The following VPS35L variants were observed in gnomAD, a reference collection of about 807,000 sequenced individuals.
The protein encoded by VPS35L is VPS35 endosomal protein-sorting factor-like.
Under a neutral mutation model 133.0 loss-of-function variants are expected in VPS35L, and 83 were observed. The ratio of observed to expected loss-of-function variants is 0.62; its 90% confidence interval spans 0.52 to 0.75. The LOEUF (loss-of-function observed/expected upper bound fraction) is 0.75. VPS35L is among the 30% of genes least tolerant of loss of function. The pLI is 0.00. For synonymous variants in VPS35L, 423 were observed against 449.9 expected (o/e 0.94, Z 0.76); for missense variants, 1,083 against 1,206.8 (o/e 0.90, Z 1.52).
At chr16:19,574,108 G>C (rs1247998347) in intron 4 of VPS35L, among the ~76,000 whole-genome samples, 1 of 152,158 alleles carries the variant, frequency 6.6e-6, no homozygotes, top group Non-Finnish European at 1.5e-5. Context: ...GGGTTCAGTT[G>C]CTTAGAACTA....
At chr16:19,654,546 GAA>G (rs971730427) in intron 26 of VPS35L, among the ~76,000 whole-genome samples, 2 of 122,312 alleles carry the variant, frequency 1.6e-5, no homozygotes. Context: ...AGACTGTCTT[GAA>G]AAAAAAAAAA....
At chr16:19,649,939 T>G (rs1974072522) in intron 24 of VPS35L, among the ~76,000 whole-genome samples, 1 of 152,226 alleles carries the variant, frequency 6.6e-6, no homozygotes, top group Admixed American at 6.5e-5. Context: ...AGTGATGATG[T>G]GGCTACTATC....
chr16:19,644,905 G>A lies in VPS35L; in HGVS notation c.1885G>A (p.Glu629Lys), dbSNP rs200092938. The A allele has an allele frequency of 1.2e-5, 19 of 1,601,180 alleles. No homozygotes were observed. The highest frequency in any genetic ancestry group is 4.0e-5 in the African/African-American group (3 of 74,666). The change falls in exon 23 of 31, where the codon GAG becomes AAG. Residue 629 changes from glutamate (E) to lysine (K), a missense_variant. By Grantham distance (56) the Glu-to-Lys change is moderately conservative. Transcript: ENST00000417362. ...TTTTAGTGCACTCACTCTTGAGGAT[G>A]AGAAAAGAATGCTGTCATATTTGAT... ...DSVNALTLED[E>K]KRMLSYLING...
At chr16:19,640,269 G>A (rs1183890794) in intron 21 of VPS35L, among the ~76,000 whole-genome samples, 169 bp downstream of exon 21, 1 of 152,028 alleles carries the variant, frequency 6.6e-6, no homozygotes, top group East Asian at 1.9e-4. Context: ...ATAAAAGTTT[G>A]TAATTCGTGT....
Position 19,696,086 on chromosome 16 carries a change from C to G in VPS35L, c.2647-3416C>G, listed in dbSNP as rs188467295. ...TATTTCTAGTAGAGACGGGGTTTCA[C>G]TGTTAGCCAGGATGGTCTCGATCTC... On this transcript the variant is annotated intron_variant, in intron 29 of 30. Coordinates refer to ENST00000417362, the MANE Select transcript of VPS35L (RefSeq NM_020314.7). Among the ~76,000 whole-genome samples the G allele has an allele frequency of 2.1e-3, 309 of 150,068 alleles. 3 individuals are homozygous for G. Among genetic ancestry groups the G allele is most frequent in the African/African-American group, 7.3e-3 (300 of 41,014 alleles).
At chr16:19,590,151 C>A (rs1428518160) in intron 7 of VPS35L, among the ~76,000 whole-genome samples, 6 of 110,540 alleles carry the variant, frequency 5.4e-5, no homozygotes, top group Non-Finnish European at 3.9e-5. Flanking sequence ...CCCCCCCCCC[C>A]CCCCCACAAA....
chr16:19,696,540 G>C (rs1975918610), intron 29 of VPS35L, among the ~76,000 whole-genome samples: 1 of 152,144 alleles, frequency 6.6e-6, no homozygotes, highest in Admixed American at 6.5e-5. Flanking sequence ...GAGCTTCCTG[G>C]AAATGACAGT....
At chr16:19,674,776 A>G (rs920477774) in intron 27 of VPS35L, among the ~76,000 whole-genome samples, 3 of 151,754 alleles carry the variant, frequency 2.0e-5, no homozygotes, top group African/African-American at 7.3e-5. Flanking sequence ...AATCTATTTT[A>G]GATACTTTCT....
chr16:19,589,928 G>A (rs1452061118), intron 7 of VPS35L, among the ~76,000 whole-genome samples: 1 of 152,108 alleles, frequency 6.6e-6, no homozygotes, highest in African/African-American at 2.4e-5. Flanking sequence ...CCTAGGAACC[G>A]AGAACTGTGT....
At chr16:19,616,248 C>G in intron 13 of VPS35L, 57 bp downstream of exon 13, 2 of 1,474,768 alleles carry the variant, frequency 1.4e-6, no homozygotes, top group Non-Finnish European at 9.4e-7. Context: ...ATAGCAAATT[C>G]ACAAAACCCA....
At chr16:19,670,685 C>T (rs1003784786) in intron 27 of VPS35L, among the ~76,000 whole-genome samples, 9 of 152,114 alleles carry the variant, frequency 5.9e-5, no homozygotes, top group African/African-American at 2.2e-4. Context: ...TACAGCCAGG[C>T]TTGAGTTGGA....
At chr16:19,634,826 G>T (rs757061853) in intron 19 of VPS35L, among the ~76,000 whole-genome samples, 9 of 152,088 alleles carry the variant, frequency 5.9e-5, no homozygotes, top group Non-Finnish European at 1.0e-4. Flanking sequence ...TACTGAGCAG[G>T]TATCAATTGC....
At chr16:19,579,929 G>T (rs557760494) in intron 6 of VPS35L, 3 of 151,912 alleles carry the variant, frequency 2.0e-5, no homozygotes, top group Non-Finnish European at 4.4e-5. Context: ...GCCAGGCGCG[G>T]TGGCTCATGC....
chr16:19,596,555 A>G (rs1454885165), intron 8 of VPS35L, among the ~76,000 whole-genome samples: 1 of 151,638 alleles, frequency 6.6e-6, no homozygotes, highest in Admixed American at 6.6e-5. Context: ...GATTATAGGC[A>G]TGAGTCACTG....
chr16:19,681,469 T>G (rs1384202537), intron 27 of VPS35L, among the ~76,000 whole-genome samples: 1 of 152,014 alleles, frequency 6.6e-6, no homozygotes, highest in Non-Finnish European at 1.5e-5. Context: ...CCGCATGGGG[T>G]GGGCTAGCAA....
intron 26 of VPS35L, among the ~76,000 whole-genome samples, chr16:19,657,481 G>A (rs753777497): frequency 7.9e-5 from 12 of 152,078 alleles, no homozygotes; most frequent in Non-Finnish European, 2.9e-5. Context: ...TATATTATCC[G>A]CTCACCTGTG....
chr16:19,555,985 G>GCCC (rs1318998273), intron 1 of VPS35L, among the ~76,000 whole-genome samples: 3 of 152,162 alleles, frequency 2.0e-5, no homozygotes, highest in South Asian at 4.1e-4. Flanking sequence ...CCTTCCACGG[G>GCCC]CCCCTGTCCA....
intron 2 of VPS35L, 135 bp downstream of exon 2, chr16:19,565,085 G>C: frequency 1.7e-6 from 1 of 591,642 alleles, no homozygotes. Flanking sequence ...TCAGAGTCTT[G>C]CTCTGTCGCC....
At chr16:19,617,272 C>T (rs945361795) in intron 14 of VPS35L, 3 of 295,918 alleles carry the variant, frequency 1.0e-5, no homozygotes, top group Non-Finnish European at 1.3e-5. Flanking sequence ...GTGGGAGGAC[C>T]ACTTGAGCCC....
Sources: gnomAD v4.1 joint callset for allele counts (sites outside exome capture counted in the v4.1 genomes callset) on GRCh38, gnomAD v4.1.1 for gene constraint, MANE v1.5 for transcripts, NCBI Gene and HGNC (gene_info 2026-07-23, HGNC 2026-07-21) for gene names.